HS3ST4: variants seen among roughly 807,000 people sequenced by gnomAD.
HS3ST4 encodes the protein heparan sulfate-glucosamine 3-sulfotransferase 4.
HS3ST4 carries 17 observed loss-of-function variants against 29.2 expected under a neutral mutation model. The ratio of observed to expected loss-of-function variants is 0.58; its 90% CI spans 0.40 to 0.87. HS3ST4 has a LOEUF of 0.87. Among genes scored for constraint, HS3ST4 ranks in the 40% least tolerant of loss-of-function variants. HS3ST4 has a pLI of 0.00. For missense variants in HS3ST4, 627 were observed against 634.5 expected (o/e 0.99, Z 0.13); for synonymous variants, 314 against 285.7 (o/e 1.10, Z -1.00).
intron 1 of HS3ST4, among the ~76,000 whole-genome samples, chr16:25,811,096 G>A (rs2141628319): frequency 6.6e-6 from 1 of 152,266 alleles, no homozygotes; most frequent in East Asian, 1.9e-4. Flanking sequence ...CAAAAAATTG[G>A]TTTATTTAAC....
At chr16:25,848,212 C>T (rs944144428) in intron 1 of HS3ST4, among the ~76,000 whole-genome samples, 4 of 152,046 alleles carry the variant, frequency 2.6e-5, no homozygotes, top group Admixed American at 6.6e-5. Context: ...GATCAAGGCT[C>T]ACTGCAACCT....
intron 1 of HS3ST4, among the ~76,000 whole-genome samples, chr16:25,961,833 T>TAA (rs5816337): frequency 0.82 from 124,298 of 151,974 alleles, 51,342 homozygotes; most frequent in African/African-American, 0.94. Context: ...CCTAAAATCA[T>TAA]AAAACTTACA....
At chr16:25,856,624 T>C (rs1967576418) in intron 1 of HS3ST4, among the ~76,000 whole-genome samples, 1 of 152,104 alleles carries the variant, frequency 6.6e-6, no homozygotes, top group Admixed American at 6.6e-5. Context: ...TAAAATACAC[T>C]AACACTAACA....
intron 1 of HS3ST4, among the ~76,000 whole-genome samples, chr16:26,056,060 GA>G (rs1898404208): frequency 1.3e-5 from 2 of 151,316 alleles, no homozygotes; most frequent in African/African-American, 4.9e-5. Flanking sequence ...GAGAGAGAGA[GA>G]GAGAGAGAGA....
At chr16:25,714,822 G>A (rs1966441061) in intron 1 of HS3ST4, among the ~76,000 whole-genome samples, 1 of 152,164 alleles carries the variant, frequency 6.6e-6, no homozygotes, top group Admixed American at 6.5e-5. Context: ...TCTCCTGATG[G>A]ACATCTCTGT....
In HS3ST4 at chr16:26,052,645, A is replaced by G. The variant is rs140410663; in HGVS notation, c.735-82967A>G. Among the ~76,000 whole-genome samples the G allele has an allele frequency of 4.9e-3, 752 of 152,328 alleles. 7 individuals carry two copies. The highest frequency in any genetic ancestry group is 0.017 in the African/African-American group (706 of 41,582). ...CTCAGCCTCCCAAAGTGCTGGGATTACAGGCGTGAGCTACCACACCTGATT... is the reference window on the plus strand; with the variant it reads ...CTCAGCCTCCCAAAGTGCTGGGATTGCAGGCGTGAGCTACCACACCTGATT... On this transcript the variant is annotated intron_variant, in intron 1 of 1. Transcript: ENST00000331351.
chr16:25,801,232 G>A (rs1023508244), intron 1 of HS3ST4, among the ~76,000 whole-genome samples: 3 of 152,110 alleles, frequency 2.0e-5, no homozygotes, highest in East Asian at 1.9e-4. Context: ...TTAATTTATC[G>A]TGGGTAGTAT....
chr16:26,116,705 T>G (rs147972444), intron 1 of HS3ST4, among the ~76,000 whole-genome samples: 1 of 152,364 alleles, frequency 6.6e-6, no homozygotes, highest in African/African-American at 2.4e-5. Context: ...TTATTATTTG[T>G]TGTTTCTTAA....
intron 1 of HS3ST4, among the ~76,000 whole-genome samples, chr16:25,841,098 G>A (rs534977173): frequency 9.3e-5 from 14 of 149,752 alleles, no homozygotes; most frequent in African/African-American, 1.7e-4. Context: ...TCCGCCCCCC[G>A]GGGTTCATGC....
chr16:25,984,516 G>A (rs1391417111), intron 1 of HS3ST4, among the ~76,000 whole-genome samples: 1 of 152,190 alleles, frequency 6.6e-6, no homozygotes, highest in Admixed American at 6.5e-5. Context: ...CCAGCCTATG[G>A]CCTGGGGGTT....
At position 25,878,473 on chromosome 16, in the gene HS3ST4, G is replaced by A. The variant is rs187996729; in HGVS notation, c.734+185322G>A. On this transcript the variant is annotated intron_variant, in intron 1 of 1. Transcript: ENST00000331351. ...TTACAATGAAAAGCAAAGCAGAACA[G>A]AAATCTCACCTCCATTGCTCTAGAA... Among the ~76,000 whole-genome samples the A allele has an allele frequency of 1.0e-3, 155 of 152,238 alleles. 2 individuals carry two copies. The highest frequency in any genetic ancestry group is 1.4e-3 in the Non-Finnish European group (96 of 68,010).
At chr16:25,802,265 TTACG>T (rs1361621638) in intron 1 of HS3ST4, among the ~76,000 whole-genome samples, 17 of 152,190 alleles carry the variant, frequency 1.1e-4, no homozygotes, top group Non-Finnish European at 2.2e-4. Flanking sequence ...TTTTATTCAT[TTACG>T]TATTACATTG....
At chr16:25,943,333 A>T (rs1375640146) in intron 1 of HS3ST4, among the ~76,000 whole-genome samples, 1 of 152,226 alleles carries the variant, frequency 6.6e-6, no homozygotes, top group South Asian at 2.1e-4. Context: ...CTGGAGCAAC[A>T]TGAGGTGCTG....
At chr16:25,826,430 A>T (rs1260542480) in intron 1 of HS3ST4, 1 of 152,216 alleles carries the variant, frequency 6.6e-6, no homozygotes, top group South Asian at 2.1e-4. Context: ...TTGCATGCAG[A>T]TAAAGGGAGG....
chr16:25,790,061 T>G (rs1966865421), intron 1 of HS3ST4, among the ~76,000 whole-genome samples: 1 of 152,196 alleles, frequency 6.6e-6, no homozygotes, highest in Non-Finnish European at 1.5e-5. Flanking sequence ...TATATACACA[T>G]TCCTGTTGAG....
chr16:25,856,609 A>T (rs1967576210), intron 1 of HS3ST4, among the ~76,000 whole-genome samples: 1 of 152,186 alleles, frequency 6.6e-6, no homozygotes, highest in South Asian at 2.1e-4. Context: ...GTCTTGGGCC[A>T]TACATAAAAT....
chr16:26,109,075 G>C (rs1328136159), intron 1 of HS3ST4, among the ~76,000 whole-genome samples: 1 of 152,100 alleles, frequency 6.6e-6, no homozygotes, highest in Non-Finnish European at 1.5e-5. Flanking sequence ...GATGAAACCA[G>C]AAAGATGACA....
At chr16:26,046,302 C>A (rs1596661872) in intron 1 of HS3ST4, among the ~76,000 whole-genome samples, 1 of 152,164 alleles carries the variant, frequency 6.6e-6, no homozygotes, top group South Asian at 2.1e-4. Flanking sequence ...AGGCACTTGC[C>A]ACCACGCCCA....
intron 1 of HS3ST4, among the ~76,000 whole-genome samples, chr16:25,882,202 T>C (rs1967901910): frequency 6.6e-6 from 1 of 152,204 alleles, no homozygotes; most frequent in Non-Finnish European, 1.5e-5. Context: ...ACACATTCCC[T>C]GAAGTGAATA....
Sources: allele counts gnomAD v4.1 joint callset (sites outside exome capture counted in the v4.1 genomes callset), GRCh38; gene constraint gnomAD v4.1.1; transcripts MANE v1.5; gene names NCBI Gene and HGNC (gene_info 2026-07-23, HGNC 2026-07-21).